The following RGS6 variants were observed in gnomAD, a reference collection of about 807,000 sequenced individuals.
RGS6 encodes the protein regulator of G-protein signaling 6.
RGS6 carries 30 observed loss-of-function variants against 78.5 expected under a neutral mutation model. The observed-to-expected ratio is 0.38, with a 90% CI of 0.29 to 0.52. RGS6 has a LOEUF of 0.52. Among genes scored for constraint, RGS6 ranks in the 20% least tolerant of loss-of-function variants. The probability of loss-of-function intolerance (pLI) is 0.85; values close to 1 mark genes in which losing one functional copy is unlikely to be tolerated. For synonymous variants in RGS6, 206 were observed against 206.0 expected (o/e 1.00, Z 0.00); for missense variants, 495 against 609.7 (o/e 0.81, Z 1.98).
At chr14:72,342,395 A>C (rs547076208) in intron 2 of RGS6, among the ~76,000 whole-genome samples, 9 of 151,924 alleles carry the variant, frequency 5.9e-5, no homozygotes, top group African/African-American at 2.2e-4. Context: ...GCGAAACTCC[A>C]TATCTCCCAA....
At chr14:72,226,698 ATTGATTGATTGC>A in intron 2 of RGS6, among the ~76,000 whole-genome samples, 1 of 152,302 alleles carries the variant, frequency 6.6e-6, no homozygotes, top group African/African-American at 2.4e-5. Context: ...TATACACTTT[ATTGATTGATTGC>A]TTGATTGATT....
the RGS6 span, among the ~76,000 whole-genome samples, chr14:72,588,563 G>A: frequency 3.9e-5 from 6 of 152,134 alleles, no homozygotes; most frequent in Admixed American, 3.3e-4. Context: ...TAATGCCTGA[G>A]AGCCTCACCC....
chr14:71,871,809 G>A, the RGS6 span, among the ~76,000 whole-genome samples: 2 of 152,126 alleles, frequency 1.3e-5, no homozygotes, highest in Non-Finnish European at 2.9e-5. Flanking sequence ...TTGTGTCAAG[G>A]AATCTAGCCA....
At chr14:72,592,866 GACTCTCAGAATGTGGCTGACCTACAA>G in the RGS6 span, among the ~76,000 whole-genome samples, 5 of 152,348 alleles carry the variant, frequency 3.3e-5, no homozygotes, top group East Asian at 1.9e-4. Flanking sequence ...TAGGACTGCA[GACTCTCAGAATGTGGCTGACCTACAA>G]ACTCTCAGAA....
chr14:72,508,919 A>T (rs1394068663), intron 13 of RGS6, among the ~76,000 whole-genome samples: 1 of 152,178 alleles, frequency 6.6e-6, no homozygotes, highest in Non-Finnish European at 1.5e-5. Context: ...TAAAGGGCCA[A>T]GGACATAAAT....
intron 2 of RGS6, among the ~76,000 whole-genome samples, chr14:72,011,392 GTTTCC>G: frequency 6.6e-6 from 1 of 152,226 alleles, no homozygotes; most frequent in African/African-American, 2.4e-5. Flanking sequence ...TCCGATGACT[GTTTCC>G]CGAGGAGGGT....
At chr14:72,215,737 T>C (rs980694185) in intron 2 of RGS6, among the ~76,000 whole-genome samples, 10 of 152,236 alleles carry the variant, frequency 6.6e-5, no homozygotes, top group African/African-American at 2.2e-4. Flanking sequence ...AGGAACAGGC[T>C]AAGACCTAAT....
At chr14:71,876,473 CTTTTTTTTTTTTTTT>C in the RGS6 span, among the ~76,000 whole-genome samples, 3 of 72,468 alleles carry the variant, frequency 4.1e-5, no homozygotes, top group East Asian at 4.5e-4. Context: ...GCAACCGCTG[CTTTTTTTTTTTTTTT>C]TTTTTTTTTT....
chr14:72,015,999 G>A (rs1333465925), intron 2 of RGS6, among the ~76,000 whole-genome samples: 1 of 151,924 alleles, frequency 6.6e-6, no homozygotes, highest in Non-Finnish European at 1.5e-5. Flanking sequence ...ACTACTCTGT[G>A]GCTTATGTTT....
chr14:72,267,541 T>A (rs756772881), intron 2 of RGS6, among the ~76,000 whole-genome samples: 2 of 152,322 alleles, frequency 1.3e-5, no homozygotes, highest in Admixed American at 6.5e-5. Flanking sequence ...ACCAAATGCA[T>A]TTTTCAAAGC....
intron 12 of RGS6, among the ~76,000 whole-genome samples, chr14:72,486,045 C>T (rs1360928373): frequency 6.6e-6 from 1 of 152,146 alleles, no homozygotes; most frequent in African/African-American, 2.4e-5. Flanking sequence ...TGTTTTCCCC[C>T]ATGCTATGCT....
At chr14:71,960,768 C>A (rs115419096) in intron 1 of RGS6, among the ~76,000 whole-genome samples, 1 of 152,328 alleles carries the variant, frequency 6.6e-6, no homozygotes, top group South Asian at 2.1e-4. Flanking sequence ...AAAGCTGAGC[C>A]GCTTCTGGGG....
intron 17 of RGS6, among the ~76,000 whole-genome samples, chr14:72,561,620 C>T (rs1420291711): frequency 6.6e-6 from 1 of 152,238 alleles, no homozygotes; most frequent in African/African-American, 2.4e-5. Context: ...GGCACATACA[C>T]AACGGGACTC....
chr14:72,039,583 A>G (rs1450854952), intron 2 of RGS6, among the ~76,000 whole-genome samples: 1 of 152,080 alleles, frequency 6.6e-6, no homozygotes, highest in Non-Finnish European at 1.5e-5. Flanking sequence ...GTGTGCCATT[A>G]TATCTAAAGG....
At chr14:72,165,049 G>T (rs574872250) in intron 2 of RGS6, among the ~76,000 whole-genome samples, 17 of 152,270 alleles carry the variant, frequency 1.1e-4, no homozygotes, top group Admixed American at 3.9e-4. Context: ...CTGTCTAAGG[G>T]GCACTTACTT....
chr14:72,574,211 C>G, the RGS6 span, among the ~76,000 whole-genome samples: 2 of 152,302 alleles, frequency 1.3e-5, no homozygotes, highest in East Asian at 3.9e-4. Context: ...GGATTCTGAG[C>G]TTTGGGCAGG....
chr14:72,557,852 G>T lies in RGS6; in HGVS notation c.1423-4565G>T, dbSNP rs561565845. Among the ~76,000 whole-genome samples the T allele has an allele frequency of 2.0e-5, 3 of 152,282 alleles. No homozygotes were observed. In the South Asian group the frequency reaches 6.2e-4, roughly 32 times the overall value. On this transcript the variant is annotated intron_variant, in intron 17 of 17. Coordinates refer to ENST00000553525, the MANE Select transcript of RGS6 (RefSeq NM_001204424.2). ...TGCGAGTTCGAATTCCCCAACAGAG[G>T]AATCCAGGTTCCTCCTGTACTGGAG...
At chr14:72,052,975 TTCTTTCTTTCTCTCTCTC>T (rs1463424437) in intron 2 of RGS6, among the ~76,000 whole-genome samples, 816 of 51,350 alleles carry the variant, frequency 0.016, 8 homozygotes, top group Non-Finnish European at 0.016. Context: ...CTTTCTTTCT[TTCTTTCTTTCTCTCTCTC>T]TCTCTCTCTC....
At chr14:72,115,476 G>A (rs924550637) in intron 2 of RGS6, among the ~76,000 whole-genome samples, 5 of 152,146 alleles carry the variant, frequency 3.3e-5, no homozygotes, top group Non-Finnish European at 7.4e-5. Context: ...CCATGATGGA[G>A]GCGACTTCCA....
Sources: gnomAD v4.1 joint callset for allele counts (sites outside exome capture counted in the v4.1 genomes callset) on GRCh38, gnomAD v4.1.1 for gene constraint, MANE v1.5 for transcripts, NCBI Gene and HGNC (gene_info 2026-07-23, HGNC 2026-07-21) for gene names.